MAP4K4: variants seen among roughly 807,000 people sequenced by gnomAD.
MAP4K4 encodes HPK/GCK-like kinase HGK.
A neutral mutation model predicts 189.6 loss-of-function variants in MAP4K4; 38 were observed. The observed-to-expected ratio is 0.20, with a 90% CI of 0.15 to 0.26. The LOEUF is 0.26. Among genes scored for constraint, MAP4K4 ranks in the 10% least tolerant of loss-of-function variants. The pLI is 1.00. For synonymous variants in MAP4K4, 610 were observed against 624.3 expected (o/e 0.98, Z 0.34); for missense variants, 1,054 against 1,726.9 (o/e 0.61, Z 6.91).
rs140367053 is a variant in MAP4K4 at position 101,860,057 on chromosome 2, T to C, written c.1704+193T>C. On this transcript the variant is annotated intron_variant, in intron 15 of 32. Coordinates refer to ENST00000324219, the Ensembl canonical transcript of MAP4K4. ...CAAGGTTTCATATTCAGTCAGTGCT[T>C]TTTCCATAAAGGACCAGAGTGCCTC... The C allele has an allele frequency of 5.7e-5, 36 of 626,736 alleles. 1 individual carries two copies. The African/African-American group carries it at 6.1e-4, about 11-fold the overall frequency. 38.8% of individuals were successfully genotyped at this position (626,736 alleles called of 1,614,324 possible).
At chr2:101,762,380 C>CT (rs1381964002) in intron 2 of MAP4K4, among the ~76,000 whole-genome samples, 1 of 152,190 alleles carries the variant, frequency 6.6e-6, no homozygotes, top group Non-Finnish European at 1.5e-5. Context: ...CCCCTGCATC[C>CT]TTGTCCCCCT....
At chr2:101,821,714 T>A (rs374361895) in intron 3 of MAP4K4, among the ~76,000 whole-genome samples, 1 of 152,210 alleles carries the variant, frequency 6.6e-6, no homozygotes, top group Non-Finnish European at 1.5e-5. Flanking sequence ...TTCATAAACA[T>A]GGTACACTTA....
At chr2:101,784,039 A>T (rs1238602734) in intron 2 of MAP4K4, among the ~76,000 whole-genome samples, 1 of 152,100 alleles carries the variant, frequency 6.6e-6, no homozygotes, top group Non-Finnish European at 1.5e-5. Flanking sequence ...TCACATCTTG[A>T]GAGATCCATG....
At chr2:101,718,256 CAAAA>C (rs879284137) in intron 2 of MAP4K4, among the ~76,000 whole-genome samples, 2 of 88,840 alleles carry the variant, frequency 2.3e-5, no homozygotes. Flanking sequence ...GACTCCGTCT[CAAAA>C]AAAAAAAAAA....
At chr2:101,806,393 T>G (rs1259323126) in intron 3 of MAP4K4, among the ~76,000 whole-genome samples, 2 of 150,118 alleles carry the variant, frequency 1.3e-5, no homozygotes, top group African/African-American at 2.5e-5. Flanking sequence ...TTTTTTTTTT[T>G]GAGACGGAAT....
chr2:101,785,405 G>A (rs2090132678), intron 2 of MAP4K4, among the ~76,000 whole-genome samples: 1 of 152,104 alleles, frequency 6.6e-6, no homozygotes, highest in Non-Finnish European at 1.5e-5. Flanking sequence ...TTGATAGAGT[G>A]GTTGGTATTA....
chr2:101,867,513 G>A, intron 20 of MAP4K4: 2 of 529,276 alleles, frequency 3.8e-6, no homozygotes, highest in Non-Finnish European at 3.4e-6. Context: ...TCTCAAGTGA[G>A]TAAAACCTTT....
chr2:101,828,176 A>G (rs994177227), intron 5 of MAP4K4, among the ~76,000 whole-genome samples: 1 of 152,244 alleles, frequency 6.6e-6, no homozygotes, highest in African/African-American at 2.4e-5. Flanking sequence ...ACAAGAGTGC[A>G]TGCAAGCCAC....
chr2:101,849,464 T>C (rs1290555273), intron 12 of MAP4K4, among the ~76,000 whole-genome samples: 9 of 152,078 alleles, frequency 5.9e-5, no homozygotes, highest in Admixed American at 5.2e-4. Context: ...ATTTAGAGCA[T>C]CATCACATCT....
At chr2:101,842,748 CTGCAGAAGACTCCTG>C in intron 11 of MAP4K4, 67 bp downstream of exon 11, 4 of 1,171,102 alleles carry the variant, frequency 3.4e-6, no homozygotes, top group Non-Finnish European at 3.7e-6. Context: ...TGTGCCAGGA[CTGCAGAAGACTCCTG>C]TGTGGTACAA....
At chr2:101,720,303 C>T (rs1186990338) in intron 2 of MAP4K4, among the ~76,000 whole-genome samples, 2 of 151,160 alleles carry the variant, frequency 1.3e-5, no homozygotes, top group Non-Finnish European at 2.9e-5. Flanking sequence ...CTTCCTGAGT[C>T]GCCAGGATTA....
intron 2 of MAP4K4, among the ~76,000 whole-genome samples, chr2:101,738,910 A>G (rs1382177867): frequency 6.6e-6 from 1 of 152,122 alleles, no homozygotes; most frequent in Non-Finnish European, 1.5e-5. Flanking sequence ...GTCCTATTTC[A>G]TGAGGTGGTT....
chr2:101,764,062 G>C (rs1173021803), intron 2 of MAP4K4, among the ~76,000 whole-genome samples: 1 of 151,916 alleles, frequency 6.6e-6, no homozygotes, highest in Non-Finnish European at 1.5e-5. Flanking sequence ...GTATTTACAG[G>C]GAAGTCTGTG....
chr2:101,868,565 A>T (rs1272754924), intron 21 of MAP4K4, among the ~76,000 whole-genome samples: 1 of 152,264 alleles, frequency 6.6e-6, no homozygotes, highest in African/African-American at 2.4e-5. Context: ...AGTGTGGAAG[A>T]GTAAAGGGAA....
intron 3 of MAP4K4, among the ~76,000 whole-genome samples, chr2:101,795,826 C>T (rs1267982163): frequency 6.6e-6 from 1 of 152,076 alleles, no homozygotes; most frequent in Non-Finnish European, 1.5e-5. Context: ...TTCTCTTATA[C>T]TGAAAATATT....
In MAP4K4 at chr2:101,722,606, A is replaced by C. The variant is rs185287613; in HGVS notation, c.123+24068A>C. 1.3e-3 allele frequency among the ~76,000 whole-genome samples: 192 copies of C among 152,312 alleles called. 1 individual carries two copies. Among genetic ancestry groups the C allele is most frequent in the African/African-American group, 4.5e-3 (188 of 41,570 alleles). On this transcript the variant is annotated intron_variant, in intron 2 of 32. Coordinates refer to ENST00000324219, the Ensembl canonical transcript of MAP4K4. ...TTTTCTGATTAGCTTAAAGTTTTCAACTAGGATTATGTTGGAAGTCCTTCC... is the reference window on the plus strand; with the variant it reads ...TTTTCTGATTAGCTTAAAGTTTTCACCTAGGATTATGTTGGAAGTCCTTCC...
chr2:101,852,110 T>C (rs1289364691), intron 12 of MAP4K4, among the ~76,000 whole-genome samples: 1 of 151,846 alleles, frequency 6.6e-6, no homozygotes, highest in Non-Finnish European at 1.5e-5. Context: ...GAGGACCTTA[T>C]ACAATATCTG....
At chr2:101,877,476 C>CTTTT (rs571878053) in intron 27 of MAP4K4, among the ~76,000 whole-genome samples, 5 of 132,840 alleles carry the variant, frequency 3.8e-5, no homozygotes, top group African/African-American at 1.5e-4. Context: ...TTCCACCAGA[C>CTTTT]TTTTTTTTTT....
intron 2 of MAP4K4, among the ~76,000 whole-genome samples, chr2:101,775,034 CTTTTTTTT>C (rs77977516): frequency 7.7e-6 from 1 of 129,050 alleles, no homozygotes; most frequent in African/African-American, 2.8e-5. Context: ...CCTATCCCCT[CTTTTTTTT>C]TTTTTTTTTT....
Sources: allele counts gnomAD v4.1 joint callset (sites outside exome capture counted in the v4.1 genomes callset), GRCh38; gene constraint gnomAD v4.1.1; transcripts MANE v1.5; gene names NCBI Gene and HGNC (gene_info 2026-07-23, HGNC 2026-07-21).